Variants in CCSER1 observed in about 807,000 individuals in gnomAD.
CCSER1 encodes the protein coiled-coil serine rich protein 1.
A neutral mutation model predicts 82.0 loss-of-function variants in CCSER1; 41 were observed. The ratio of observed to expected loss-of-function variants is 0.50; its 90% confidence interval spans 0.39 to 0.65. CCSER1 has a LOEUF of 0.65. CCSER1 is among the 30% of genes least tolerant of loss of function. The pLI, the probability that CCSER1 is intolerant of heterozygous loss-of-function variation, is 0.00. For missense variants in CCSER1, 1,119 were observed against 1,064.2 expected (o/e 1.05, Z -0.72); for synonymous variants, 414 against 383.9 (o/e 1.08, Z -0.92).
chr4:90,338,221 T>G (rs1272106176), intron 3 of CCSER1, among the ~76,000 whole-genome samples: 1 of 152,202 alleles, frequency 6.6e-6, no homozygotes, highest in Non-Finnish European at 1.5e-5. Context: ...CCTTTCTACC[T>G]ATTCCTGAAT....
intron 5 of CCSER1, among the ~76,000 whole-genome samples, chr4:90,560,317 A>G (rs1430741578): frequency 6.6e-6 from 1 of 152,066 alleles, no homozygotes; most frequent in Non-Finnish European, 1.5e-5. Context: ...AAGGAAATGT[A>G]GAACCAAAAA....
At chr4:91,545,133 T>G (rs1761821595) in intron 10 of CCSER1, among the ~76,000 whole-genome samples, 1 of 152,132 alleles carries the variant, frequency 6.6e-6, no homozygotes, top group South Asian at 2.1e-4. Flanking sequence ...GAGCCATGTG[T>G]GGGATATAAT....
chr4:91,122,882 CG>C (rs1422990558), intron 10 of CCSER1, among the ~76,000 whole-genome samples: 1 of 151,608 alleles, frequency 6.6e-6, no homozygotes, highest in Non-Finnish European at 1.5e-5. Context: ...TGAAGGAAGA[CG>C]GTGTTAATTA....
chr4:90,814,086 C>T (rs868726333), intron 7 of CCSER1, among the ~76,000 whole-genome samples: 6 of 152,166 alleles, frequency 3.9e-5, no homozygotes, highest in Non-Finnish European at 5.9e-5. Context: ...TCTGTGTGCC[C>T]GCAGGCCCAA....
At chr4:90,911,456 C>T in intron 8 of CCSER1, 1 of 351,252 alleles carries the variant, frequency 2.8e-6, no homozygotes, top group South Asian at 2.2e-5. Flanking sequence ...ATGATTCTCT[C>T]TGTGTCTCTC....
intron 4 of CCSER1, among the ~76,000 whole-genome samples, chr4:90,458,482 A>G (rs80284566): frequency 6.6e-6 from 1 of 152,004 alleles, no homozygotes; most frequent in African/African-American, 2.4e-5. Context: ...GTTCCTGAGC[A>G]ATTGGGACTA....
rs1303311741 is a variant in CCSER1, at chr4:91,598,613, A to G, written c.2259A>G (p.Thr753=). ...GAATTGTGAGCCAAAATCTCAGCACAAGGGACAGAAAAGCAATACATACTC... is the reference window on the plus strand; with the variant it reads ...GAATTGTGAGCCAAAATCTCAGCACGAGGGACAGAAAAGCAATACATACTC... ...RNRIVSQNLS[T]RDRKAIHTPT... is the part of the protein sequence containing the mutation. Residue 753 remains threonine (T), a synonymous_variant, in exon 11 of 11, where the codon ACA becomes ACG. Transcript: ENST00000509176. 6.4e-7 allele frequency: 1 copy of G among 1,551,030 alleles called. No individual in the cohort carries two copies. Among genetic ancestry groups the G allele is most frequent in the Non-Finnish European group, 8.7e-7 (1 of 1,146,604 alleles).
chr4:91,494,115 A>G (rs993032806), intron 10 of CCSER1, among the ~76,000 whole-genome samples: 3 of 151,874 alleles, frequency 2.0e-5, no homozygotes, highest in African/African-American at 7.2e-5. Context: ...CTTCTAAGTA[A>G]AGAGTAGCCA....
At chr4:90,811,271 G>T (rs1003598297) in intron 7 of CCSER1, among the ~76,000 whole-genome samples, 8 of 152,190 alleles carry the variant, frequency 5.3e-5, no homozygotes, top group Admixed American at 2.6e-4. Flanking sequence ...TTGCATTTCA[G>T]TGCTGTAGGA....
intron 1 of CCSER1, among the ~76,000 whole-genome samples, chr4:90,158,304 T>A (rs918479918): frequency 6.6e-6 from 1 of 152,168 alleles, no homozygotes; most frequent in Non-Finnish European, 1.5e-5. Flanking sequence ...TGCCTCCCAG[T>A]TAGGCTGCTC....
chr4:91,051,411 A>C (rs1226013792), intron 9 of CCSER1, among the ~76,000 whole-genome samples: 2 of 152,160 alleles, frequency 1.3e-5, no homozygotes, highest in Non-Finnish European at 2.9e-5. Context: ...TGCTTGAAAA[A>C]TTCATATATT....
chr4:90,717,883 A>G (rs1203728990), intron 6 of CCSER1, among the ~76,000 whole-genome samples: 1 of 151,846 alleles, frequency 6.6e-6, no homozygotes, highest in Non-Finnish European at 1.5e-5. Context: ...GCCAACAGCA[A>G]GCTTAACCAG....
chr4:91,226,706 A>G (rs543931682), intron 10 of CCSER1, among the ~76,000 whole-genome samples: 1 of 151,876 alleles, frequency 6.6e-6, no homozygotes, highest in Non-Finnish European at 1.5e-5. Flanking sequence ...AATTCTATGC[A>G]TTTGTCTCTT....
chr4:90,856,594 C>T (rs1344244002), intron 8 of CCSER1, among the ~76,000 whole-genome samples: 1 of 151,902 alleles, frequency 6.6e-6, no homozygotes, highest in African/African-American at 2.4e-5. Context: ...TCTTCCCCGA[C>T]GTAAAAGAAG....
intron 9 of CCSER1, among the ~76,000 whole-genome samples, chr4:91,059,455 T>TTATATATATATATA (rs56706370): frequency 2.7e-5 from 4 of 145,788 alleles, no homozygotes; most frequent in South Asian, 2.2e-4. Flanking sequence ...TTTATTAAGG[T>TTATATATATATATA]TATATATATA....
intron 1 of CCSER1, among the ~76,000 whole-genome samples, chr4:90,197,235 A>G (rs572783211): frequency 6.6e-6 from 1 of 152,288 alleles, no homozygotes; most frequent in Non-Finnish European, 1.5e-5. Context: ...AAGGTATGGT[A>G]GAAGGGGTGC....
chr4:90,715,442 T>A (rs905427255), intron 6 of CCSER1, among the ~76,000 whole-genome samples: 1 of 152,014 alleles, frequency 6.6e-6, no homozygotes. Flanking sequence ...TTGATTTAGC[T>A]TTCAGTTAGT....
chr4:90,957,735 C>T (rs1316645384), intron 9 of CCSER1, among the ~76,000 whole-genome samples: 1 of 145,528 alleles, frequency 6.9e-6, no homozygotes, highest in Non-Finnish European at 1.5e-5. Flanking sequence ...CATACACACA[C>T]AGCTAACAAA....
At chr4:90,128,772 A>C (rs1434176468) in intron 1 of CCSER1, among the ~76,000 whole-genome samples, 1 of 152,068 alleles carries the variant, frequency 6.6e-6, no homozygotes, top group Non-Finnish European at 1.5e-5. Context: ...TATTTATGGC[A>C]AAGAGTTGTG....
Sources: gnomAD v4.1 joint callset for allele counts (sites outside exome capture counted in the v4.1 genomes callset) on GRCh38, gnomAD v4.1.1 for gene constraint, MANE v1.5 for transcripts, NCBI Gene and HGNC (gene_info 2026-07-23, HGNC 2026-07-21) for gene names.